ELMO1: variants seen among roughly 807,000 people sequenced by gnomAD.
ELMO1 encodes the protein engulfment and cell motility protein 1.
A neutral mutation model predicts 98.9 loss-of-function variants in ELMO1; 26 were observed. The observed-to-expected ratio is 0.26, with a 90% CI of 0.19 to 0.36. The LOEUF (loss-of-function observed/expected upper bound fraction) is 0.36. Among genes scored for constraint, ELMO1 ranks in the 10% least tolerant of loss-of-function variants. The pLI is 1.00. For missense variants in ELMO1, 627 were observed against 935.2 expected (o/e 0.67, Z 4.30); for synonymous variants, 346 against 346.0 (o/e 1.00, Z 0.00).
intron 16 of ELMO1, among the ~76,000 whole-genome samples, chr7:36,931,227 G>T (rs1008526725): frequency 2.6e-5 from 4 of 152,232 alleles, no homozygotes; most frequent in Non-Finnish European, 4.4e-5. Flanking sequence ...AGTACTAGCT[G>T]CTTAAGACGT....
chr7:37,385,392 A>G (rs746950061), intron 1 of ELMO1, among the ~76,000 whole-genome samples: 4 of 152,140 alleles, frequency 2.6e-5, no homozygotes, highest in Admixed American at 6.5e-5. Flanking sequence ...GGCCAAGCAC[A>G]GGGCTGTTCA....
chr7:36,979,500 A>G (rs978004052), intron 16 of ELMO1, among the ~76,000 whole-genome samples: 1 of 152,144 alleles, frequency 6.6e-6, no homozygotes, highest in Non-Finnish European at 1.5e-5. Context: ...TTGCCCAGAT[A>G]TTTGACGCTG....
intron 15 of ELMO1, among the ~76,000 whole-genome samples, chr7:37,068,800 G>C (rs1287740003): frequency 6.6e-6 from 1 of 152,072 alleles, no homozygotes; most frequent in African/African-American, 2.4e-5. Context: ...CCTTTAGGAG[G>C]TCTGGGCCCC....
intron 13 of ELMO1, among the ~76,000 whole-genome samples, chr7:37,192,164 G>A (rs554742508): frequency 6.6e-6 from 1 of 152,240 alleles, no homozygotes; most frequent in Non-Finnish European, 1.5e-5. Context: ...ATAGGGATGT[G>A]TCACATTGAT....
intron 13 of ELMO1, among the ~76,000 whole-genome samples, chr7:37,183,429 G>T (rs1271143500): frequency 6.6e-6 from 1 of 152,182 alleles, no homozygotes; most frequent in Non-Finnish European, 1.5e-5. Context: ...GAAGAGGCAG[G>T]GGGAGAAGAG....
chr7:37,000,580 A>G (rs1792592020), intron 16 of ELMO1, among the ~76,000 whole-genome samples: 1 of 152,192 alleles, frequency 6.6e-6, no homozygotes, highest in African/African-American at 2.4e-5. Flanking sequence ...GTAAAATACA[A>G]AAGATAATTT....
chr7:36,861,633 T>C (rs376876373), intron 21 of ELMO1, 26 bp downstream of exon 21: 89 of 1,603,116 alleles, frequency 5.6e-5, no homozygotes, highest in Middle Eastern at 3.3e-4. Context: ...CATTATCTCA[T>C]AAATTATCAC....
chr7:37,324,975 G>A (rs915386591), intron 2 of ELMO1, among the ~76,000 whole-genome samples: 6 of 152,066 alleles, frequency 3.9e-5, no homozygotes, highest in East Asian at 3.9e-4. Context: ...TTCTCTTCCC[G>A]TTATGAAGAT....
chr7:37,111,382 G>T (rs1426851922), intron 14 of ELMO1, among the ~76,000 whole-genome samples: 1 of 152,190 alleles, frequency 6.6e-6, no homozygotes, highest in Non-Finnish European at 1.5e-5. Context: ...GCTAGAGCAG[G>T]CTAACCAGCT....
intron 2 of ELMO1, among the ~76,000 whole-genome samples, chr7:37,321,778 A>G (rs1262207940): frequency 2.0e-5 from 3 of 150,862 alleles, no homozygotes; most frequent in Non-Finnish European, 4.4e-5. Flanking sequence ...AGAAAAATTA[A>G]TTTAGTTCAA....
At chr7:37,165,673 C>G (rs1443942587) in intron 13 of ELMO1, among the ~76,000 whole-genome samples, 2 of 152,068 alleles carry the variant, frequency 1.3e-5, no homozygotes, top group Non-Finnish European at 2.9e-5. Context: ...AGCCTCACAT[C>G]CCAGGGATGA....
intron 16 of ELMO1, among the ~76,000 whole-genome samples, chr7:37,010,235 A>G (rs1793451071): frequency 6.6e-6 from 1 of 152,130 alleles, no homozygotes; most frequent in South Asian, 2.1e-4. Flanking sequence ...TCATTAATTT[A>G]AACTGATCTA....
chr7:37,412,600 A>AC (rs1554308721), intron 1 of ELMO1, among the ~76,000 whole-genome samples: 25,480 of 152,266 alleles, frequency 0.17, 2,313 homozygotes, highest in South Asian at 0.26. Flanking sequence ...TTTTTCAAGA[A>AC]TGTATTGGTT....
intron 4 of ELMO1, among the ~76,000 whole-genome samples, chr7:37,276,471 C>T (rs528372213): frequency 3.3e-5 from 5 of 152,064 alleles, no homozygotes; most frequent in East Asian, 1.9e-4. Context: ...ATTAGCCGGG[C>T]GTGGTGGCAG....
At chr7:37,386,489 G>A (rs1802807489) in intron 1 of ELMO1, among the ~76,000 whole-genome samples, 2 of 152,212 alleles carry the variant, frequency 1.3e-5, no homozygotes, top group Admixed American at 1.3e-4. Flanking sequence ...CTAGGGAGTC[G>A]TTATTGTCCC....
At chr7:37,336,721 G>A (rs934315622) in intron 2 of ELMO1, among the ~76,000 whole-genome samples, 2 of 152,140 alleles carry the variant, frequency 1.3e-5, no homozygotes, top group Admixed American at 6.5e-5. Flanking sequence ...AGAGGGTGAG[G>A]ACAACCAAGG....
intron 1 of ELMO1, among the ~76,000 whole-genome samples, chr7:37,413,696 G>T (rs554371483): frequency 1.3e-5 from 2 of 152,076 alleles, no homozygotes; most frequent in Non-Finnish European, 1.5e-5. Context: ...AGTTGTGGGG[G>T]AGACAGAGTC....
intron 15 of ELMO1, chr7:37,013,748 T>A (rs1793729262): frequency 3.6e-6 from 1 of 275,376 alleles, no homozygotes; most frequent in African/African-American, 2.1e-5. Context: ...GCCCTATATC[T>A]GCCTTCTTGA....
rs745844738 is a variant in ELMO1 at position 36,854,844 on chromosome 7, C to G, written c.*707G>C. On this transcript the variant is annotated 3_prime_UTR_variant, in exon 22 of 22. Coordinates refer to ENST00000310758, the MANE Select transcript of ELMO1 (RefSeq NM_014800.11). ...TCTGGCCTGGGGCAGGGAGAGGAAA[C>G]CCCAGACTAGCTGGTGAGGAGGGAA... is the stretch of plus-strand genomic sequence containing the variant. 1 of 153,670 alleles carries G rather than the reference C, an allele frequency of 6.5e-6. No individual in the cohort carries two copies. The highest frequency in any genetic ancestry group is 2.4e-5 in the African/African-American group (1 of 41,422). The allele number at this position is 153,670 out of a possible 1,614,324, so 9.5% of individuals were successfully genotyped here. A position where few individuals can be genotyped will look rare whatever the true frequency, so the allele number is the denominator to read the frequency against.
Sources: gnomAD v4.1 joint callset for allele counts (sites outside exome capture counted in the v4.1 genomes callset) on GRCh38, gnomAD v4.1.1 for gene constraint, MANE v1.5 for transcripts, NCBI Gene and HGNC (gene_info 2026-07-23, HGNC 2026-07-21) for gene names.